Variants in MYOF observed in about 807,000 individuals in gnomAD.
MYOF encodes the protein fer-1-like 3, myoferlin.
Under a neutral mutation model 284.2 loss-of-function variants are expected in MYOF, and 244 were observed. The observed-to-expected ratio is 0.86, with a 90% confidence interval of 0.77 to 0.95. MYOF has a LOEUF of 0.95. Among genes scored for constraint, MYOF ranks in the 40% least tolerant of loss-of-function variants. MYOF has a pLI of 0.00. For synonymous variants in MYOF, 904 were observed against 919.7 expected, an observed-to-expected ratio of 0.98 and a Z score of 0.31; for missense variants, 2,496 against 2,560.6, an observed-to-expected ratio of 0.97 and a Z score of 0.54.
intron 1 of MYOF, among the ~76,000 whole-genome samples, chr10:93,461,942 T>C (rs1469494177): frequency 1.3e-5 from 2 of 152,206 alleles, no homozygotes; most frequent in East Asian, 3.8e-4. Flanking sequence ...GGGGAGTGGC[T>C]GAGTCCAGGC....
intron 27 of MYOF, among the ~76,000 whole-genome samples, 154 bp from the exon 28 acceptor site, chr10:93,361,711 CTTTA>C (rs977485089): frequency 2.0e-5 from 3 of 152,280 alleles, no homozygotes; most frequent in East Asian, 1.9e-4. Flanking sequence ...AATCTCTAAT[CTTTA>C]TTTATTCACA....
At chr10:93,472,118 G>A (rs979563979) in intron 1 of MYOF, among the ~76,000 whole-genome samples, 7 of 152,212 alleles carry the variant, frequency 4.6e-5, no homozygotes, top group Non-Finnish European at 8.8e-5. Flanking sequence ...CCTTCCTGCT[G>A]ATCACTGAGG....
At chr10:93,417,157 G>T (rs1417550503) in intron 5 of MYOF, among the ~76,000 whole-genome samples, 1 of 152,180 alleles carries the variant, frequency 6.6e-6, no homozygotes, top group African/African-American at 2.4e-5. Flanking sequence ...ATGCCATCCT[G>T]CCTCTCCAAT....
At chr10:93,333,942 G>A in intron 41 of MYOF, 29 bp from the exon 42 acceptor site, 1 of 1,605,928 alleles carries the variant, frequency 6.2e-7, no homozygotes, top group Non-Finnish European at 8.5e-7. Context: ...AGGACTCACA[G>A]GGCCCTGGGT....
At chr10:93,365,874 C>G (rs944935124) in intron 26 of MYOF, among the ~76,000 whole-genome samples, 1 of 152,180 alleles carries the variant, frequency 6.6e-6, no homozygotes, top group African/African-American at 2.4e-5. Context: ...TCATATAACT[C>G]AATCCACTGT....
chr10:93,403,703 C>T (rs1325119158), intron 9 of MYOF, among the ~76,000 whole-genome samples: 2 of 152,240 alleles, frequency 1.3e-5, no homozygotes, highest in East Asian at 3.9e-4. Context: ...GCTTTGGGGC[C>T]CCCAGTAAGT....
At chr10:93,382,439 C>T (rs983869243) in intron 19 of MYOF, among the ~76,000 whole-genome samples, 1 of 152,130 alleles carries the variant, frequency 6.6e-6, no homozygotes, top group Non-Finnish European at 1.5e-5. Flanking sequence ...TAAAGATTTT[C>T]ATGTCAGATG....
At chr10:93,349,692 G>C (rs1844409481) in intron 36 of MYOF, 116 bp downstream of exon 36, 1 of 1,230,538 alleles carries the variant, frequency 8.1e-7, no homozygotes, top group Non-Finnish European at 1.1e-6. Flanking sequence ...ATATAAGGCA[G>C]GGTTTTTCTA....
intron 24 of MYOF, among the ~76,000 whole-genome samples, chr10:93,370,338 GAC>G (rs1845532037): frequency 1.0e-5 from 1 of 99,464 alleles, no homozygotes; most frequent in African/African-American, 6.8e-5. Flanking sequence ...TTTTTTTTGA[GAC>G]AGAGTCTCAC....
intron 39 of MYOF, chr10:93,338,337 C>T (rs565311819): frequency 2.4e-4 from 109 of 457,422 alleles, no homozygotes; most frequent in South Asian, 1.5e-3. Flanking sequence ...ATACAATACT[C>T]ACTAGCTAAA....
intron 43 of MYOF, 26 bp downstream of exon 43, chr10:93,333,195 G>T (rs1006096394): frequency 6.3e-7 from 1 of 1,590,242 alleles, no homozygotes; most frequent in Non-Finnish European, 8.6e-7. Context: ...ATGAAGGCCA[G>T]AAAAACATTT....
intron 42 of MYOF, among the ~76,000 whole-genome samples, 176 bp downstream of exon 42, chr10:93,333,582 C>G (rs1843445617): frequency 6.6e-6 from 1 of 152,102 alleles, no homozygotes; most frequent in Non-Finnish European, 1.5e-5. Flanking sequence ...CTTAAGCCCC[C>G]CGCAAGCTCT....
intron 5 of MYOF, among the ~76,000 whole-genome samples, chr10:93,419,415 G>A (rs1848263712): frequency 2.0e-5 from 3 of 151,674 alleles, no homozygotes; most frequent in African/African-American, 7.3e-5. Context: ...CACCCACCTT[G>A]GCCTCCTGAA....
chr10:93,466,827 A>G (rs529406369), intron 1 of MYOF, among the ~76,000 whole-genome samples: 2 of 152,284 alleles, frequency 1.3e-5, no homozygotes, highest in South Asian at 2.1e-4. Context: ...TTTAAAAATT[A>G]GCCTGGCATG....
intron 22 of MYOF, among the ~76,000 whole-genome samples, chr10:93,376,601 A>G (rs532901838): frequency 7.0e-6 from 1 of 142,280 alleles, no homozygotes; most frequent in African/African-American, 2.4e-5. Flanking sequence ...TTAGGGTGTT[A>G]GCCCAGTGTG....
chr10:93,391,588 T>C (rs1431925443), intron 17 of MYOF, among the ~76,000 whole-genome samples: 1 of 144,380 alleles, frequency 6.9e-6, no homozygotes, highest in Non-Finnish European at 1.5e-5. Context: ...GGAGCAAAAC[T>C]CCATCTCAGA....
rs565050829 is a variant in MYOF, at chr10:93,462,360, G to A, written c.89-5423C>T. 9.9e-5 allele frequency among the ~76,000 whole-genome samples: 15 copies of A among 152,164 alleles called. No homozygotes were observed. In the East Asian group the frequency reaches 2.9e-3, roughly 29 times the overall value. On this transcript the variant is annotated intron_variant, in intron 1 of 53. Transcript: ENST00000359263. Reference sequence around the variant, plus strand: ...GCTGGGATTACAGGCGTGAGACACCGTGCCCGGCCTGCTAAGCCCTTTACA... The same window carrying A: ...GCTGGGATTACAGGCGTGAGACACCATGCCCGGCCTGCTAAGCCCTTTACA...
At position 93,336,061 on chromosome 10, in the gene MYOF, C is replaced by G; in HGVS notation, c.4438-15G>C. Reference sequence around the variant, plus strand: ...CAATTATATATCTGAAAACCACCAACAGAGTCTTAATTTCTCATTAAAATG... The same window carrying G: ...CAATTATATATCTGAAAACCACCAAGAGAGTCTTAATTTCTCATTAAAATG... On this transcript the variant is annotated splice_polypyrimidine_tract_variant and intron_variant, in intron 40 of 53. Coordinates refer to ENST00000359263, the MANE Select transcript of MYOF (RefSeq NM_013451.4). 1 of 1,611,778 alleles carries G rather than the reference C, an allele frequency of 6.2e-7. No individual in the cohort carries two copies. The highest frequency in any genetic ancestry group is 8.5e-7 in the Non-Finnish European group (1 of 1,179,152).
intron 29 of MYOF, among the ~76,000 whole-genome samples, chr10:93,357,819 C>A (rs1844878740): frequency 6.6e-6 from 1 of 152,150 alleles, no homozygotes; most frequent in Non-Finnish European, 1.5e-5. Flanking sequence ...TAGAACTGGA[C>A]CATATCCTGA....
Sources: gnomAD v4.1 joint callset for allele counts (sites outside exome capture counted in the v4.1 genomes callset) on GRCh38, gnomAD v4.1.1 for gene constraint, MANE v1.5 for transcripts, NCBI Gene and HGNC (gene_info 2026-07-23, HGNC 2026-07-21) for gene names.